Variants in PTPMT1 observed in about 807,000 individuals in gnomAD.
PTPMT1 encodes phosphatidylglycerophosphatase and protein-tyrosine phosphatase 1.
A neutral mutation model predicts 17.8 loss-of-function variants in PTPMT1; 12 were observed. The observed-to-expected ratio is 0.67, with a 90% CI of 0.43 to 1.09. PTPMT1 has a LOEUF of 1.09. Among genes scored for constraint, PTPMT1 ranks in the 50% least tolerant of loss-of-function variants. PTPMT1 has a pLI of 0.00. For missense variants in PTPMT1, 262 were observed against 266.0 expected (o/e 0.99, Z 0.10); for synonymous variants, 132 against 116.8 (o/e 1.13, Z -0.84).
chr11:47,572,844 CAT>C lies in PTPMT1; in HGVS notation c.*1217_*1218del. 6.9e-7 allele frequency: 1 copy of C among 1,440,068 alleles called. No individual in the cohort carries two copies. 89.2% of individuals were successfully genotyped at this position (1,440,068 alleles called of 1,614,324 possible). A position where few individuals can be genotyped will look rare whatever the true frequency, so the allele number is the denominator to read the frequency against. ...CCTTTCTAGTATGTGCCAAAAAAAA[CAT>C]AACTCTGAATTGGGGCCCAGGGGAC... On this transcript the variant is annotated 3_prime_UTR_variant, in exon 4 of 4. Transcript: ENST00000326674.
In PTPMT1 at chr11:47,573,096, G is replaced by A. The variant is rs2097252376; in HGVS notation, c.*1467G>A. ...ACAGCTGGCAATCTTCCAGAGGGAT[G>A]GGGCAGAGCTCCAGGCCTCAGGAAG... On this transcript the variant is annotated 3_prime_UTR_variant, in exon 4 of 4. Coordinates refer to ENST00000326674, the MANE Select transcript of PTPMT1 (RefSeq NM_175732.3). The surrounding 1 kb of genome is among the most constrained non-coding windows in gnomAD (Gnocchi z 4.1). The A allele has an allele frequency of 6.2e-7, 1 of 1,614,214 alleles. No individual in the cohort carries two copies. Among genetic ancestry groups the A allele is most frequent in the Non-Finnish European group, 8.5e-7 (1 of 1,180,032 alleles).
At chr11:47,570,756 C>A (rs954934839) in intron 3 of PTPMT1, among the ~76,000 whole-genome samples, 4 of 152,148 alleles carry the variant, frequency 2.6e-5, no homozygotes, top group African/African-American at 9.7e-5. Flanking sequence ...ACCCTGTAGT[C>A]CATCATCATT....
chr11:47,570,038 A>G, intron 3 of PTPMT1, 147 bp downstream of exon 3: 1 of 638,940 alleles, frequency 1.6e-6, no homozygotes, highest in Non-Finnish European at 2.7e-6. Flanking sequence ...AAAAAATACA[A>G]CAAGTTAGCT....
chr11:47,566,997 G>A (rs768970655), intron 2 of PTPMT1, among the ~76,000 whole-genome samples: 6 of 151,982 alleles, frequency 3.9e-5, no homozygotes, highest in Non-Finnish European at 7.4e-5. Context: ...TCTTTATAGC[G>A]TTTGGCATCT....
chr11:47,572,860 G>A lies in PTPMT1; in HGVS notation c.*1231G>A. ...CAAAAAAAACATAACTCTGAATTGG[G>A]GCCCAGGGGACTTTGAGTTTGTATG... On this transcript the variant is annotated 3_prime_UTR_variant, in exon 4 of 4. Coordinates refer to ENST00000326674, the MANE Select transcript of PTPMT1 (RefSeq NM_175732.3). The A allele has an allele frequency of 6.6e-7, 1 of 1,507,732 alleles. No individual in the cohort carries two copies. The highest frequency in any genetic ancestry group is 1.4e-5 in the African/African-American group (1 of 71,968). 93.4% of individuals were successfully genotyped at this position (1,507,732 alleles called of 1,614,324 possible). A position where few individuals can be genotyped will look rare whatever the true frequency, so the allele number is the denominator to read the frequency against.
intron 3 of PTPMT1, among the ~76,000 whole-genome samples, chr11:47,570,897 A>G (rs915294484): frequency 7.2e-5 from 11 of 152,200 alleles, no homozygotes; most frequent in African/African-American, 2.7e-4. Flanking sequence ...TTTGGTCATA[A>G]GGGCTCTGCT....
Position 47,569,984 on chromosome 11 carries a change from G to A in PTPMT1, c.447+93G>A, listed in dbSNP as rs1009189958. 7 of 1,047,418 alleles carry A rather than the reference G, an allele frequency of 6.7e-6. No homozygotes were observed. The African/African-American group carries it at 9.5e-5, about 14-fold the overall frequency. The allele number at this position is 1,047,418 out of a possible 1,614,324, so 64.9% of individuals were successfully genotyped here. A position where few individuals can be genotyped will look rare whatever the true frequency, so the allele number is the denominator to read the frequency against. On this transcript the variant is annotated intron_variant, in intron 3 of 3. Coordinates refer to ENST00000326674, the MANE Select transcript of PTPMT1 (RefSeq NM_175732.3). ...GAGATGGGAGGATGGCTTGAGCCCA[G>A]GAGTTTGAGACCAGCCTGGGCAACA... is the stretch of plus-strand genomic sequence containing the variant.
rs1451882662 is a variant in PTPMT1 at position 47,572,384 on chromosome 11, G to A, written c.*755G>A. On this transcript the variant is annotated 3_prime_UTR_variant, in exon 4 of 4. Transcript: ENST00000326674. ...AAATAAAACCAAAGTTACATTTCCT[G>A]ACAGATGGATAAGAAAACAATAGAA... 5 of 153,200 alleles carry A rather than the reference G, an allele frequency of 3.3e-5. No individual in the cohort carries two copies. Among genetic ancestry groups the A allele is most frequent in the Admixed American group, 6.5e-5 (1 of 15,328 alleles). 9.5% of individuals were successfully genotyped at this position (153,200 alleles called of 1,614,324 possible).
chr11:47,571,750 G>C lies in PTPMT1; in HGVS notation c.*121G>C. 1.1e-6 allele frequency: 1 copy of C among 885,888 alleles called. No individual in the cohort carries two copies. Among genetic ancestry groups the C allele is most frequent in the Non-Finnish European group, 1.8e-6 (1 of 568,192 alleles). The allele number at this position is 885,888 out of a possible 1,614,324, so 54.9% of individuals were successfully genotyped here. ...AACAGAAATGTGCCAATAGGTAATA[G>C]GTAATTTTTCTTTCTCTGACTTGTT... On this transcript the variant is annotated 3_prime_UTR_variant, in exon 4 of 4. Transcript: ENST00000326674.
At chr11:47,568,884 T>C (rs2097247878) in intron 2 of PTPMT1, among the ~76,000 whole-genome samples, 1 of 151,214 alleles carries the variant, frequency 6.6e-6, no homozygotes, top group African/African-American at 2.4e-5. Context: ...AGAGACAGGG[T>C]TTCCCCATGT....
In PTPMT1 at chr11:47,572,939, C is replaced by G; in HGVS notation, c.*1310C>G. On this transcript the variant is annotated 3_prime_UTR_variant, in exon 4 of 4. Transcript: ENST00000326674. The stretch of plus-strand genomic sequence containing the variant: ...TCCCCTCCCCACAGCCTTAGGCCAA[C>G]ACAAACTGCAAATTGGTAAGCAGCA... 6.2e-7 allele frequency: 1 copy of G among 1,613,070 alleles called. No homozygotes were observed. Among genetic ancestry groups the G allele is most frequent in the South Asian group, 1.1e-5 (1 of 90,948 alleles).
chr11:47,569,372 C>T (rs1162965203), intron 2 of PTPMT1, among the ~76,000 whole-genome samples: 7 of 126,824 alleles, frequency 5.5e-5, no homozygotes, highest in Admixed American at 9.6e-5. Context: ...GGCAACAGAG[C>T]GAGACTCTGT....
In PTPMT1 at chr11:47,566,044, T is replaced by C. The variant is rs1565926103; in HGVS notation, c.255+58T>C. The C allele has an allele frequency of 2.7e-6, 4 of 1,501,314 alleles. 1 individual carries two copies. In the Admixed American group the frequency reaches 6.9e-5, roughly 26 times the overall value. The allele number at this position is 1,501,314 out of a possible 1,614,324, so 93.0% of individuals were successfully genotyped here. A position where few individuals can be genotyped will look rare whatever the true frequency, so the allele number is the denominator to read the frequency against. Reference sequence around the variant, plus strand: ...GCCCGCTCCCCCTCGCCCACCGCCCTGAGCCTGGGACGGCTAGAGAAGTGT... The same window carrying C: ...GCCCGCTCCCCCTCGCCCACCGCCCCGAGCCTGGGACGGCTAGAGAAGTGT... On this transcript the variant is annotated intron_variant, in intron 2 of 3. Transcript: ENST00000326674.
chr11:47,565,740 C>G lies in PTPMT1; in HGVS notation c.118C>G (p.Arg40Gly), dbSNP rs780166644. The G allele has an allele frequency of 2.5e-6, 4 of 1,592,158 alleles. No individual in the cohort carries two copies. Among genetic ancestry groups the G allele is most frequent in the South Asian group, 1.1e-5 (1 of 87,746 alleles). The part of the protein sequence containing the change: ...PGRAHRDWYH[R>G]IDPTVLLGAL... ...TCGGGCGCACCGGGACTGGTACCAC[C>G]GCATCGACCCCACCGTGCTGCTGGG... The change falls in exon 1 of 4, where the codon CGC becomes GGC. Residue 40 changes from arginine (R) to glycine (G), a missense_variant. By Grantham distance (125) the Arg-to-Gly change is moderately radical. Coordinates refer to ENST00000326674, the MANE Select transcript of PTPMT1 (RefSeq NM_175732.3).
At chr11:47,567,983 G>A (rs1022392812) in intron 2 of PTPMT1, among the ~76,000 whole-genome samples, 2 of 151,452 alleles carry the variant, frequency 1.3e-5, no homozygotes, top group African/African-American at 2.4e-5. Context: ...GCAGTGGCAC[G>A]ATCTCGGCTC....
chr11:47,569,635 C>T, intron 2 of PTPMT1, 65 bp from the exon 3 acceptor site: 1 of 1,330,422 alleles, frequency 7.5e-7, no homozygotes, highest in South Asian at 1.4e-5. Flanking sequence ...CTTGGGAGCC[C>T]CTTATCATCC....
chr11:47,569,854 C>T lies in PTPMT1; in HGVS notation c.410C>T (p.Ser137Phe). 6.2e-7 allele frequency: 1 copy of T among 1,613,550 alleles called. No individual in the cohort carries two copies. Among genetic ancestry groups the T allele is most frequent in the South Asian group, 1.1e-5 (1 of 91,038 alleles). ...CVYVHCKAGRSRSATMVAAYL... is the reference protein window; with the variant it reads ...CVYVHCKAGRFRSATMVAAYL... The stretch of plus-strand genomic sequence containing the variant: ...TACGTGCATTGTAAGGCTGGGCGCT[C>T]CAGGAGTGCCACTATGGTGGCAGCA... Residue 137 changes from serine (S) to phenylalanine (F), a missense_variant, in exon 3 of 4, where the codon TCC becomes TTC. Physicochemically the swap from Ser to Phe is radical, Grantham distance 155. Transcript: ENST00000326674.
In PTPMT1 at chr11:47,572,198, C is replaced by G. The variant is rs150919873; in HGVS notation, c.*569C>G. 236 of 153,126 alleles carry G rather than the reference C, an allele frequency of 1.5e-3. No homozygotes were observed. The highest frequency in any genetic ancestry group is 2.2e-3 in the Non-Finnish European group (151 of 68,320). The allele number at this position is 153,126 out of a possible 1,614,324, so 9.5% of individuals were successfully genotyped here. ...TGGAATTCAACACAGACACACATAT[C>G]CCTTCAAAAACTTTTATTTGTATCA... On this transcript the variant is annotated 3_prime_UTR_variant, in exon 4 of 4. Coordinates refer to ENST00000326674, the MANE Select transcript of PTPMT1 (RefSeq NM_175732.3).
At chr11:47,567,162 G>C (rs1337450687) in intron 2 of PTPMT1, among the ~76,000 whole-genome samples, 1 of 152,124 alleles carries the variant, frequency 6.6e-6, no homozygotes, top group Admixed American at 6.6e-5. Flanking sequence ...AGCACTTTGG[G>C]AGGCTGAGGT....
Sources: gnomAD v4.1 joint callset for allele counts (sites outside exome capture counted in the v4.1 genomes callset) on GRCh38, gnomAD v4.1.1 for gene constraint, Gnocchi (gnomAD v3.1) non-coding constraint, MANE v1.5 for transcripts, NCBI Gene and HGNC (gene_info 2026-07-23, HGNC 2026-07-21) for gene names.